Variants in PIK3C2G observed in about 807,000 individuals in gnomAD.
PIK3C2G encodes phosphatidylinositol 3-kinase C2 domain-containing subunit gamma.
PIK3C2G carries 168 observed loss-of-function variants against 181.1 expected under a neutral mutation model. The observed-to-expected ratio is 0.93, with a 90% CI of 0.82 to 1.05. The LOEUF (loss-of-function observed/expected upper bound fraction) is 1.05. Among genes scored for constraint, PIK3C2G ranks in the 50% least tolerant of loss-of-function variants. The pLI is 0.00. For synonymous variants in PIK3C2G, 573 were observed against 592.2 expected (o/e 0.97, Z 0.47); for missense variants, 1,869 against 1,732.8 (o/e 1.08, Z -1.40).
chr12:18,354,886 TTCTG>T (rs1940581072), intron 11 of PIK3C2G, among the ~76,000 whole-genome samples: 1 of 152,322 alleles, frequency 6.6e-6, no homozygotes, highest in Admixed American at 6.5e-5. Context: ...CCCCTTTCTC[TTCTG>T]TCTTCTTATT....
chr12:18,285,698 A>AT (rs1483187488), intron 2 of PIK3C2G, among the ~76,000 whole-genome samples: 2 of 151,992 alleles, frequency 1.3e-5, no homozygotes, highest in Non-Finnish European at 2.9e-5. Context: ...ACCATGAATT[A>AT]TAAAAAAAAG....
At chr12:18,668,907 C>T in the PIK3C2G span, among the ~76,000 whole-genome samples, 1 of 151,974 alleles carries the variant, frequency 6.6e-6, no homozygotes, top group South Asian at 2.1e-4. Flanking sequence ...TTGTAAATGT[C>T]AGCAAAGACG....
the PIK3C2G span, among the ~76,000 whole-genome samples, chr12:18,695,593 C>A: frequency 6.6e-6 from 1 of 152,086 alleles, no homozygotes; most frequent in Admixed American, 6.5e-5. Context: ...CTCCACCCAG[C>A]CCCAATATCC....
At chr12:18,671,163 C>T in the PIK3C2G span, among the ~76,000 whole-genome samples, 1 of 143,644 alleles carries the variant, frequency 7.0e-6, no homozygotes, top group Non-Finnish European at 1.5e-5. Context: ...CCCTCCAGCC[C>T]GGGTGACAGG....
In PIK3C2G at chr12:18,503,470, CT is replaced by C. The variant is rs1333801613; in HGVS notation, c.3153+54del. The C allele has an allele frequency of 3.1e-6, 4 of 1,288,392 alleles. No individual in the cohort carries two copies. In the East Asian group the frequency reaches 1.0e-4, roughly 33 times the overall value. The allele number at this position is 1,288,392 out of a possible 1,614,324, so 79.8% of individuals were successfully genotyped here. A position where few individuals can be genotyped will look rare whatever the true frequency, so the allele number is the denominator to read the frequency against. On this transcript the variant is annotated intron_variant, in intron 23 of 32. Coordinates refer to ENST00000538779, the MANE Select transcript of PIK3C2G (RefSeq NM_001288772.2). ...TAATGTACTTAAATAAGAATATGCTCTGGTTCATTAGATATTCTGATTTGTA... is the reference window on the plus strand; with the variant it reads ...TAATGTACTTAAATAAGAATATGCTCGGTTCATTAGATATTCTGATTTGTA...
chr12:18,718,339 C>A, the PIK3C2G span, among the ~76,000 whole-genome samples: 2 of 152,146 alleles, frequency 1.3e-5, no homozygotes, highest in Non-Finnish European at 2.9e-5. Context: ...CCACTCTGGC[C>A]CCATCAGTCA....
At chr12:18,665,561 G>A in the PIK3C2G span, among the ~76,000 whole-genome samples, 1 of 152,266 alleles carries the variant, frequency 6.6e-6, no homozygotes, top group Non-Finnish European at 1.5e-5. Context: ...GGGAGGCCAA[G>A]GCAGGCAGAT....
At chr12:18,344,582 C>T (rs1939479676) in intron 10 of PIK3C2G, among the ~76,000 whole-genome samples, 1 of 151,974 alleles carries the variant, frequency 6.6e-6, no homozygotes, top group Non-Finnish European at 1.5e-5. Context: ...CCCTTTCTAT[C>T]AGGAATGTTG....
chr12:18,400,482 T>A (rs957149036), intron 16 of PIK3C2G, among the ~76,000 whole-genome samples: 7 of 152,172 alleles, frequency 4.6e-5, no homozygotes, highest in Admixed American at 3.3e-4. Flanking sequence ...TTTGTCCTGA[T>A]AGCATCAGCT....
intron 16 of PIK3C2G, among the ~76,000 whole-genome samples, chr12:18,416,634 T>C (rs527960519): frequency 2.0e-5 from 3 of 152,310 alleles, no homozygotes; most frequent in South Asian, 4.1e-4. Context: ...CTGTACTCTA[T>C]AAATAGAATA....
At chr12:18,320,736 T>C (rs1011790756) in intron 6 of PIK3C2G, among the ~76,000 whole-genome samples, 1 of 152,256 alleles carries the variant, frequency 6.6e-6, no homozygotes, top group African/African-American at 2.4e-5. Context: ...TTTTCAACTA[T>C]CTTTCAGGTT....
chr12:18,383,528 A>T (rs1942973855), intron 14 of PIK3C2G, among the ~76,000 whole-genome samples: 1 of 152,236 alleles, frequency 6.6e-6, no homozygotes, highest in African/African-American at 2.4e-5. Context: ...TTTAAGTGGG[A>T]AGGATTATCC....
chr12:18,692,826 C>T, the PIK3C2G span: 3 of 1,568,544 alleles, frequency 1.9e-6, no homozygotes, highest in East Asian at 6.7e-5. Context: ...CAAGCTCTAA[C>T]AACTCAAGGA....
At chr12:18,516,905 C>A (rs753984377) in intron 24 of PIK3C2G, among the ~76,000 whole-genome samples, 6 of 151,782 alleles carry the variant, frequency 4.0e-5, no homozygotes, top group Non-Finnish European at 8.8e-5. Context: ...CTTTGTTATT[C>A]ACTGAATTCC....
At chr12:18,417,376 T>C (rs1161165681) in intron 16 of PIK3C2G, among the ~76,000 whole-genome samples, 3 of 152,300 alleles carry the variant, frequency 2.0e-5, no homozygotes, top group Non-Finnish European at 4.4e-5. Flanking sequence ...CTTGAAAGAA[T>C]TGACTTCAAT....
At chr12:18,341,773 A>G (rs1294481131) in intron 9 of PIK3C2G, among the ~76,000 whole-genome samples, 33 of 152,144 alleles carry the variant, frequency 2.2e-4, no homozygotes, top group Non-Finnish European at 4.6e-4. Flanking sequence ...CTTAAGATTG[A>G]AGAAATGACA....
At chr12:18,454,310 AG>A (rs1377941060) in intron 18 of PIK3C2G, among the ~76,000 whole-genome samples, 1 of 152,168 alleles carries the variant, frequency 6.6e-6, no homozygotes, top group Non-Finnish European at 1.5e-5. Context: ...TGTTGGGAGG[AG>A]GCAGTGCAAT....
chr12:18,262,739 C>G (rs1948303425), intron 1 of PIK3C2G, among the ~76,000 whole-genome samples: 1 of 152,036 alleles, frequency 6.6e-6, no homozygotes, highest in Admixed American at 6.6e-5. Context: ...TATGATTTCA[C>G]TTTTTCTTCT....
chr12:18,617,151 G>A (rs945185923), intron 31 of PIK3C2G, among the ~76,000 whole-genome samples: 3 of 151,980 alleles, frequency 2.0e-5, no homozygotes, highest in Admixed American at 6.6e-5. Flanking sequence ...TGCCATCTGA[G>A]GAAGCAGTCT....
Sources: allele counts gnomAD v4.1 joint callset (sites outside exome capture counted in the v4.1 genomes callset), GRCh38; gene constraint gnomAD v4.1.1; transcripts MANE v1.5; gene names NCBI Gene and HGNC (gene_info 2026-07-23, HGNC 2026-07-21).